Variants in UBR4 observed in about 807,000 individuals in gnomAD.
UBR4 encodes the protein ubiquitin protein ligase E3 component n-recognin 4, also known as E3 ubiquitin-protein ligase UBR4.
UBR4 carries 124 observed loss-of-function variants against 575.6 expected under a neutral mutation model. The ratio of observed to expected loss-of-function variants is 0.22; its 90% CI spans 0.19 to 0.25. The LOEUF is 0.25. UBR4 is among the 10% of genes least tolerant of loss of function. UBR4 has a pLI of 1.00. For missense variants in UBR4, 4,818 were observed against 6,478.8 expected (o/e 0.74, Z 8.80); for synonymous variants, 2,455 against 2,473.7 (o/e 0.99, Z 0.22).
intron 1 of UBR4, among the ~76,000 whole-genome samples, chr1:19,206,451 G>A (rs939387423): frequency 1.3e-4 from 19 of 151,892 alleles, no homozygotes; most frequent in African/African-American, 4.4e-4. Context: ...TCAGCCTCCC[G>A]AGTAGCTGGG....
intron 103 of UBR4, 81 bp downstream of exon 103, chr1:19,081,268 A>C: frequency 8.1e-7 from 1 of 1,241,466 alleles, no homozygotes; most frequent in Non-Finnish European, 1.1e-6. Flanking sequence ...GCCTTCACCT[A>C]GCACGTGCGT....
At chr1:19,104,386 G>A (rs979987792) in intron 86 of UBR4, 129 bp from the exon 87 acceptor site, 35 of 1,286,476 alleles carry the variant, frequency 2.7e-5, no homozygotes, top group Non-Finnish European at 3.5e-5. Flanking sequence ...CAGAGCAGGT[G>A]TTCAACAAGC....
At chr1:19,097,157 C>T in intron 91 of UBR4, 36 bp downstream of exon 91, 2 of 1,579,028 alleles carry the variant, frequency 1.3e-6, no homozygotes, top group Non-Finnish European at 8.6e-7. Context: ...TCATGAGTCC[C>T]AAGCCTCAGA....
chr1:19,190,116 A>C (rs2091924156), intron 11 of UBR4, among the ~76,000 whole-genome samples: 1 of 150,544 alleles, frequency 6.6e-6, no homozygotes, highest in Non-Finnish European at 1.5e-5. Flanking sequence ...GCGAAACCCC[A>C]ACTCTATTAA....
chr1:19,190,292 C>CAA (rs1184892281), intron 11 of UBR4, among the ~76,000 whole-genome samples: 1,214 of 40,154 alleles, frequency 0.03, 57 homozygotes, highest in African/African-American at 0.062. Context: ...GACTCTGCCT[C>CAA]AAAAAAAAAA....
chr1:19,111,722 G>C (rs2079903933), intron 78 of UBR4: 1 of 151,910 alleles, frequency 6.6e-6, no homozygotes, highest in African/African-American at 2.4e-5. Context: ...CCAGGTTCAA[G>C]CGATTCTCCT....
intron 12 of UBR4, 46 bp downstream of exon 12, chr1:19,187,395 G>A (rs1192367627): frequency 2.5e-6 from 4 of 1,611,734 alleles, no homozygotes; most frequent in Non-Finnish European, 2.5e-6. Flanking sequence ...GCCAGAAGTG[G>A]ATCCCGCAAT....
At position 19,198,692 on chromosome 1, in the gene UBR4, A is replaced by G. The variant is rs951431410; in HGVS notation, c.509-12T>C. On this transcript the variant is annotated splice_polypyrimidine_tract_variant and intron_variant, in intron 4 of 105. Coordinates refer to ENST00000375254, the MANE Select transcript of UBR4 (RefSeq NM_020765.3). Reference sequence around the variant, plus strand: ...TTTCTGATCTTCCACTGTAAAATACAAAGGCAAAAAAAAGGGCTGAGGAAA... The same window carrying G: ...TTTCTGATCTTCCACTGTAAAATACGAAGGCAAAAAAAAGGGCTGAGGAAA... The G allele has an allele frequency of 1.1e-5, 17 of 1,613,376 alleles. No individual in the cohort carries two copies. Among genetic ancestry groups the G allele is most frequent in the Admixed American group, 3.3e-5 (2 of 59,922 alleles).
intron 58 of UBR4, among the ~76,000 whole-genome samples, chr1:19,140,269 T>C (rs1472541745): frequency 1.3e-5 from 2 of 152,030 alleles, no homozygotes; most frequent in African/African-American, 4.8e-5. Context: ...AGAAGATGAG[T>C]TCTGGAGATT....
At chr1:19,078,777 G>C (rs2148460663) in intron 103 of UBR4, 1 of 152,338 alleles carries the variant, frequency 6.6e-6, no homozygotes, top group African/African-American at 2.4e-5. Flanking sequence ...TGGAATATGG[G>C]GAGCGACAGG....
At chr1:19,120,420 C>A in intron 68 of UBR4, 72 bp from the exon 69 acceptor site, 1 of 1,524,258 alleles carries the variant, frequency 6.6e-7, no homozygotes. Context: ...GCCTGGGCTA[C>A]CAAATGGTGA....
intron 10 of UBR4, 39 bp from the exon 11 acceptor site, chr1:19,192,417 A>C: frequency 6.2e-7 from 1 of 1,614,136 alleles, no homozygotes; most frequent in African/African-American, 1.3e-5. Context: ...ATAATCATAG[A>C]GATATTTACA....
In UBR4 at chr1:19,164,819, T is replaced by A. The variant is rs775627369; in HGVS notation, c.4491A>T (p.Thr1497=). 1 of 1,614,178 alleles carries A rather than the reference T, an allele frequency of 6.2e-7. No individual in the cohort carries two copies. Among genetic ancestry groups the A allele is most frequent in the Admixed American group, 1.7e-5 (1 of 60,028 alleles). The stretch of plus-strand genomic sequence containing the variant: ...TCTACCTGTTTTCCCGAACAATGTA[T>A]GTGGTCAGTAACTGCAGCAGCTGCC... ...ENRQLLQLLT[T]YIVRENSQVG... is the part of the protein sequence containing the mutation. Residue 1497 remains threonine (T), a synonymous_variant, in exon 32 of 106, where the codon ACA becomes ACT. Transcript: ENST00000375254.
intron 81 of UBR4, 57 bp from the exon 82 acceptor site, chr1:19,107,023 C>T (rs1364944194): frequency 6.3e-7 from 1 of 1,596,402 alleles, no homozygotes; most frequent in Non-Finnish European, 8.5e-7. Flanking sequence ...TGAGCCATAG[C>T]CCCAACAGCA....
rs552600430 is a variant in UBR4 at position 19,117,590 on chromosome 1, G to A, written c.10630-176C>T. 2.0e-5 allele frequency among the ~76,000 whole-genome samples: 3 copies of A among 152,218 alleles called. No homozygotes were observed. Among genetic ancestry groups the A allele is most frequent in the African/African-American group, 7.2e-5 (3 of 41,530 alleles). ...TTGCCCAGGCTGGTCTAAAACCCCT[G>A]GGCTCAGGGGATCCTCCCATCTTAG... is the stretch of plus-strand genomic sequence containing the variant. On this transcript the variant is annotated intron_variant, in intron 72 of 105. Transcript: ENST00000375254. This position sits in a 1 kb window ranked among gnomAD's most constrained non-coding sequence, Gnocchi z 4.0.
intron 37 of UBR4, 147 bp downstream of exon 37, chr1:19,161,442 C>T (rs2087354914): frequency 5.0e-6 from 6 of 1,188,372 alleles, no homozygotes; most frequent in South Asian, 1.5e-5. Context: ...AGTCCTTAGG[C>T]CACAACTGTG....
chr1:19,139,334 G>C lies in UBR4; in HGVS notation c.8594-114C>G. ...AAGCATCAAACCACATAGTGCATAG[G>C]ACACAATGCAGTTTATATATCCTGT... On this transcript the variant is annotated intron_variant, in intron 58 of 105. Transcript: ENST00000375254. The surrounding 1 kb of genome is among the most constrained non-coding windows in gnomAD (Gnocchi z 4.2). 7.7e-7 allele frequency: 1 copy of C among 1,303,338 alleles called. No individual in the cohort carries two copies. The highest frequency in any genetic ancestry group is 1.0e-6 in the Non-Finnish European group (1 of 994,886). 80.7% of individuals were successfully genotyped at this position (1,303,338 alleles called of 1,614,324 possible). A position where few individuals can be genotyped will look rare whatever the true frequency, so the allele number is the denominator to read the frequency against.
chr1:19,161,087 G>C lies in UBR4; in HGVS notation c.5236C>G (p.Gln1746Glu). The part of the protein sequence containing the change: ...MSSTMKESAF[Q>E]SEPRISESLV... Reference sequence around the variant, plus strand: ...CTCTCTGAAATCCTGGGTTCACTCTGAAATGCCGACTCCTTCATGGTAGAG... The same window carrying C: ...CTCTCTGAAATCCTGGGTTCACTCTCAAATGCCGACTCCTTCATGGTAGAG... The change falls in exon 38 of 106, where the codon CAG becomes GAG. Residue 1746 changes from glutamine (Q) to glutamate (E), a missense_variant. By Grantham distance (29) the Gln-to-Glu change is conservative. Around this residue, in one of 29 missense-constraint regions of UBR4, gnomAD observed 159 missense variants for 174.6 expected, o/e 0.91. Transcript: ENST00000375254. 6.2e-7 allele frequency: 1 copy of C among 1,614,096 alleles called. No individual in the cohort carries two copies. Among genetic ancestry groups the C allele is most frequent in the Non-Finnish European group, 8.5e-7 (1 of 1,180,006 alleles).
Position 19,107,924 on chromosome 1 carries a change from C to CTGTTT in UBR4, c.12106-963_12106-959dup, listed in dbSNP as rs561443411. ...AAATAACCTACAGAAAGACGTGGCACTGTTTTACATTTTTGATAATTGTTT... is the reference window on the plus strand; with the variant it reads ...AAATAACCTACAGAAAGACGTGGCACTGTTTTGTTTTACATTTTTGATAATTGTTT... On this transcript the variant is annotated intron_variant, in intron 81 of 105. Transcript: ENST00000375254. Among the ~76,000 whole-genome samples the CTGTTT allele has an allele frequency of 1.3e-3, 200 of 152,296 alleles. No individual in the cohort carries two copies. The Middle Eastern group carries it at 0.014, about 10-fold the overall frequency.
Sources: allele counts gnomAD v4.1 joint callset (sites outside exome capture counted in the v4.1 genomes callset), GRCh38; gene constraint gnomAD v4.1.1; regional missense constraint gnomAD v4.1.1; non-coding constraint Gnocchi (gnomAD v3.1); transcripts MANE v1.5; gene names NCBI Gene and HGNC (gene_info 2026-07-23, HGNC 2026-07-21).